TTC6: variants seen among roughly 807,000 people sequenced by gnomAD.
The protein encoded by TTC6 is tetratricopeptide repeat protein 6.
A neutral mutation model predicts 210.4 loss-of-function variants in TTC6; 172 were observed. That is an observed-to-expected ratio of 0.82 (90% confidence interval 0.72 to 0.93). The LOEUF is 0.93. Among genes scored for constraint, TTC6 ranks in the 40% least tolerant of loss-of-function variants. The pLI, the probability that TTC6 is intolerant of heterozygous loss-of-function variation, is 0.00. For synonymous variants in TTC6, 804 were observed against 819.6 expected (o/e 0.98, Z 0.32); for missense variants, 2,414 against 2,318.1 (o/e 1.04, Z -0.85).
intron 14 of TTC6, among the ~76,000 whole-genome samples, chr14:37,769,778 A>G (rs1251808469): frequency 6.6e-6 from 1 of 151,888 alleles, no homozygotes; most frequent in Non-Finnish European, 1.5e-5. Context: ...AATTTTTTGA[A>G]TGGTTTTTTG....
At chr14:37,777,640 G>A (rs982495152) in intron 14 of TTC6, among the ~76,000 whole-genome samples, 3 of 152,058 alleles carry the variant, frequency 2.0e-5, no homozygotes, top group African/African-American at 4.8e-5. Flanking sequence ...CCATTGCTGC[G>A]GAGTGAATGC....
At chr14:37,806,222 AT>A in intron 21 of TTC6, 138 bp from the exon 24 acceptor site, 1 of 860,926 alleles carries the variant, frequency 1.2e-6, no homozygotes, top group Non-Finnish European at 1.7e-6. Flanking sequence ...CATGAGGTCC[AT>A]TAGGAGAAAT....
intron 21 of TTC6, among the ~76,000 whole-genome samples, chr14:37,805,389 G>A: frequency 6.7e-6 from 1 of 150,234 alleles, no homozygotes; most frequent in East Asian, 2.0e-4. Flanking sequence ...AATGGCTAAT[G>A]TTGGATATTC....
At chr14:37,830,456 T>C (rs754401852) in intron 29 of TTC6, among the ~76,000 whole-genome samples, 2 of 152,012 alleles carry the variant, frequency 1.3e-5, no homozygotes, top group Non-Finnish European at 2.9e-5. Context: ...ATACCAATTA[T>C]ATAGATGTTG....
chr14:37,721,847 C>CATATATACAT (rs1186369830), intron 6 of TTC6, among the ~76,000 whole-genome samples: 1 of 117,266 alleles, frequency 8.5e-6, no homozygotes, highest in African/African-American at 3.2e-5. Context: ...TGAGTTTCAC[C>CATATATACAT]ATATATATAT....
rs1356966637 is a variant in TTC6 at position 37,714,588 on chromosome 14, G to A, written c.1572-67G>A. 2.9e-5 allele frequency: 38 copies of A among 1,303,926 alleles called. No individual in the cohort carries two copies. The South Asian group carries it at 4.5e-4, about 15-fold the overall frequency. The allele number at this position is 1,303,926 out of a possible 1,614,324, so 80.8% of individuals were successfully genotyped here. A position where few individuals can be genotyped will look rare whatever the true frequency, so the allele number is the denominator to read the frequency against. On this transcript the variant is annotated intron_variant, in intron 5 of 30. Coordinates refer to ENST00000553443, the Ensembl canonical transcript of TTC6. ...GTTTATTTCAGTGGAGTTATGAAATGAGGGCAAACACCTTATACTTTGTCA... is the reference window on the plus strand; with the variant it reads ...GTTTATTTCAGTGGAGTTATGAAATAAGGGCAAACACCTTATACTTTGTCA...
intron 1 of TTC6, among the ~76,000 whole-genome samples, chr14:37,644,504 A>G (rs1313714598): frequency 6.6e-5 from 10 of 152,242 alleles, no homozygotes; most frequent in African/African-American, 1.7e-4. Flanking sequence ...TAGCTGCATG[A>G]TAACATCCAG....
intron 1 of TTC6, among the ~76,000 whole-genome samples, chr14:37,601,181 G>T (rs2095614941): frequency 6.6e-6 from 1 of 152,202 alleles, no homozygotes; most frequent in African/African-American, 2.4e-5. Context: ...TAAAAACTTT[G>T]CAGCCTTTCA....
intron 1 of TTC6, among the ~76,000 whole-genome samples, chr14:37,652,409 TGAGGA>T (rs1028457575): frequency 1.3e-5 from 2 of 152,058 alleles, no homozygotes; most frequent in African/African-American, 4.8e-5. Context: ...AATGTTTATA[TGAGGA>T]GAGGAATGAT....
chr14:37,706,830 A>C (rs2138712993), intron 5 of TTC6, among the ~76,000 whole-genome samples: 1 of 152,060 alleles, frequency 6.6e-6, no homozygotes, highest in East Asian at 1.9e-4. Flanking sequence ...TTCCATTTTC[A>C]TTTTAGTCTG....
chr14:37,696,790 C>A, exon 4 of TTC6: 1 of 1,434,022 alleles, frequency 7.0e-7, no homozygotes, highest in Non-Finnish European at 9.1e-7. Flanking sequence ...TCACTGAGAC[C>A]AAGAAAGTCT....
intron 14 of TTC6, among the ~76,000 whole-genome samples, chr14:37,761,028 C>G (rs1200651704): frequency 6.6e-6 from 1 of 152,098 alleles, no homozygotes; most frequent in Non-Finnish European, 1.5e-5. Context: ...GTAAGTGGTT[C>G]TGTCTCACTG....
At chr14:37,758,443 CCTT>C (rs2095974370) in intron 14 of TTC6, among the ~76,000 whole-genome samples, 1 of 152,084 alleles carries the variant, frequency 6.6e-6, no homozygotes, top group African/African-American at 2.4e-5. Context: ...TATGTAACGG[CCTT>C]CTTTGTCTTT....
chr14:37,699,729 C>T (rs973379221), intron 4 of TTC6, among the ~76,000 whole-genome samples: 4 of 152,098 alleles, frequency 2.6e-5, no homozygotes, highest in Non-Finnish European at 5.9e-5. Flanking sequence ...GGGGGAGAAA[C>T]TCAGTTTTGC....
At chr14:37,822,059 G>A (rs1243940422) in intron 26 of TTC6, among the ~76,000 whole-genome samples, 2 of 151,936 alleles carry the variant, frequency 1.3e-5, no homozygotes, top group South Asian at 4.2e-4. Flanking sequence ...GATTACAGGC[G>A]TGAGCCACCG....
intron 29 of TTC6, chr14:37,837,587 T>G (rs1304188275): frequency 3.6e-6 from 1 of 279,748 alleles, no homozygotes; most frequent in Non-Finnish European, 7.2e-6. Context: ...AAACATGATA[T>G]ATAAGTAATA....
intron 14 of TTC6, among the ~76,000 whole-genome samples, chr14:37,774,150 GA>G (rs1471970547): frequency 6.6e-6 from 1 of 152,112 alleles, no homozygotes; most frequent in Non-Finnish European, 1.5e-5. Context: ...TTAGATCAAT[GA>G]AATTTTGGGC....
At chr14:37,770,243 T>C (rs1051053731) in intron 14 of TTC6, among the ~76,000 whole-genome samples, 2 of 152,310 alleles carry the variant, frequency 1.3e-5, no homozygotes, top group African/African-American at 4.8e-5. Context: ...AGTTTTGGAA[T>C]AGGTATGGTG....
At chr14:37,737,587 C>T in intron 8 of TTC6, 73 bp from the exon 11 acceptor site, 6 of 796,884 alleles carry the variant, frequency 7.5e-6, no homozygotes, top group Non-Finnish European at 9.6e-6. Flanking sequence ...AGTTATTAGC[C>T]AAGTATTATA....
Sources: allele counts gnomAD v4.1 joint callset (sites outside exome capture counted in the v4.1 genomes callset), GRCh38; gene constraint gnomAD v4.1.1; transcripts MANE v1.5; gene names NCBI Gene and HGNC (gene_info 2026-07-23, HGNC 2026-07-21).